The following ASTN2 variants were observed in gnomAD, a reference collection of about 807,000 sequenced individuals.
The protein encoded by ASTN2 is astrotactin-2.
A neutral mutation model predicts 139.8 loss-of-function variants in ASTN2; 54 were observed. That is an observed-to-expected ratio of 0.39 (90% confidence interval 0.31 to 0.48). The LOEUF (loss-of-function observed/expected upper bound fraction) is 0.48. ASTN2 is among the 20% of genes least tolerant of loss of function. The pLI, the probability that ASTN2 is intolerant of heterozygous loss-of-function variation, is 0.95. For synonymous variants in ASTN2, 756 were observed against 719.5 expected (o/e 1.05, Z -0.81); for missense variants, 1,565 against 1,725.1 (o/e 0.91, Z 1.64).
At chr9:116,742,707 C>T (rs1829126326) in intron 13 of ASTN2, among the ~76,000 whole-genome samples, 1 of 152,084 alleles carries the variant, frequency 6.6e-6, no homozygotes, top group South Asian at 2.1e-4. Context: ...GTTCTGCATA[C>T]ACAGGGTAAA....
intron 11 of ASTN2, among the ~76,000 whole-genome samples, chr9:116,857,816 C>T (rs1194937821): frequency 6.6e-6 from 1 of 152,180 alleles, no homozygotes; most frequent in Non-Finnish European, 1.5e-5. Context: ...AAATCTAGCT[C>T]TTTCCCCCTT....
intron 16 of ASTN2, among the ~76,000 whole-genome samples, chr9:116,669,854 G>A (rs1352963816): frequency 6.7e-6 from 1 of 149,928 alleles, no homozygotes; most frequent in Non-Finnish European, 1.5e-5. Context: ...CACCCAGTCT[G>A]GAATGCAGTG....
At position 116,565,387 on chromosome 9, in the gene ASTN2, CCATATATATATATA is replaced by C. The variant is rs1463766736; in HGVS notation, c.3355+52923_3355+52936del. Among the ~76,000 whole-genome samples the C allele has an allele frequency of 1.0e-2, 419 of 42,070 alleles. 18 individuals are homozygous for C. The highest frequency in any genetic ancestry group is 0.03 in the African/African-American group (281 of 9,490). 27.6% of individuals were successfully genotyped at this position (42,070 alleles called of 152,430 possible). On this transcript the variant is annotated intron_variant, in intron 19 of 22. Coordinates refer to ENST00000313400, the MANE Select transcript of ASTN2 (RefSeq NM_001365068.1). ...TCTCTCTCTCTCTCTCTCTCTCTCT[CCATATATATATATA>C]TATATATATATATATATATATATAT... is the stretch of plus-strand genomic sequence containing the variant.
chr9:116,847,112 G>C (rs1361598070), intron 11 of ASTN2, among the ~76,000 whole-genome samples: 1 of 151,532 alleles, frequency 6.6e-6, no homozygotes, highest in African/African-American at 2.4e-5. Context: ...TAGTTCTCAA[G>C]GTTTTGTTTT....
chr9:117,285,577 C>T (rs534502164), intron 2 of ASTN2, among the ~76,000 whole-genome samples: 23 of 152,198 alleles, frequency 1.5e-4, no homozygotes, highest in Admixed American at 3.9e-4. Context: ...AAGTATTATT[C>T]TATGTTATTA....
chr9:117,274,483 C>T (rs543199053), intron 2 of ASTN2, among the ~76,000 whole-genome samples: 8 of 152,320 alleles, frequency 5.3e-5, no homozygotes, highest in African/African-American at 1.4e-4. Flanking sequence ...ATCACAGTGG[C>T]CATGAACCCA....
At chr9:116,703,556 TCA>T (rs1473607752) in intron 16 of ASTN2, among the ~76,000 whole-genome samples, 3 of 139,934 alleles carry the variant, frequency 2.1e-5, no homozygotes, top group Non-Finnish European at 3.1e-5. Context: ...AAGGGGAATA[TCA>T]CACTCTGGGG....
At chr9:117,054,355 C>T (rs1434710015) in intron 5 of ASTN2, among the ~76,000 whole-genome samples, 2 of 152,190 alleles carry the variant, frequency 1.3e-5, no homozygotes, top group Admixed American at 1.3e-4. Flanking sequence ...AATCCCTTCC[C>T]CTGGCTGGAC....
chr9:117,349,182 G>A (rs562548785), intron 1 of ASTN2, among the ~76,000 whole-genome samples: 2 of 152,282 alleles, frequency 1.3e-5, no homozygotes, highest in East Asian at 3.9e-4. Flanking sequence ...AAGCTGCCGG[G>A]GCGGGTGAAG....
chr9:116,844,189 A>C (rs569735311), intron 11 of ASTN2, among the ~76,000 whole-genome samples: 2 of 152,342 alleles, frequency 1.3e-5, no homozygotes, highest in South Asian at 4.1e-4. Context: ...TGCTGTCACG[A>C]ATGAAAAATC....
chr9:117,387,799 C>T (rs1254896086), intron 1 of ASTN2, among the ~76,000 whole-genome samples: 3 of 152,102 alleles, frequency 2.0e-5, no homozygotes, highest in Non-Finnish European at 4.4e-5. Context: ...GAGCAGGCCA[C>T]AAGAAAGTCA....
intron 16 of ASTN2, among the ~76,000 whole-genome samples, chr9:116,682,014 A>T (rs1323473305): frequency 1.3e-5 from 2 of 151,944 alleles, no homozygotes; most frequent in Non-Finnish European, 2.9e-5. Context: ...CAAAAGCCAA[A>T]ATTGACAAAT....
chr9:117,270,592 C>T (rs997018736), intron 2 of ASTN2, among the ~76,000 whole-genome samples: 1 of 152,206 alleles, frequency 6.6e-6, no homozygotes, highest in African/African-American at 2.4e-5. Flanking sequence ...AGGGATACCC[C>T]TGTACCTGGC....
intron 20 of ASTN2, among the ~76,000 whole-genome samples, chr9:116,462,081 C>T (rs1848503939): frequency 6.6e-6 from 1 of 152,126 alleles, no homozygotes. Context: ...CCAAGCTCAT[C>T]CAACCGGTAA....
At chr9:117,016,833 T>A (rs1837729041) in intron 6 of ASTN2, among the ~76,000 whole-genome samples, 1 of 138,970 alleles carries the variant, frequency 7.2e-6, no homozygotes, top group African/African-American at 3.0e-5. Context: ...ATATATGTTT[T>A]TCCAAATAAA....
chr9:117,073,961 G>A (rs932269202), intron 5 of ASTN2, among the ~76,000 whole-genome samples: 4 of 152,124 alleles, frequency 2.6e-5, no homozygotes, highest in African/African-American at 7.2e-5. Context: ...TGGTCTGGGG[G>A]AGTCACTCAT....
intron 1 of ASTN2, among the ~76,000 whole-genome samples, chr9:117,367,093 G>A (rs1250470276): frequency 6.6e-6 from 1 of 152,028 alleles, no homozygotes; most frequent in Non-Finnish European, 1.5e-5. Flanking sequence ...CTTTTTCAGT[G>A]AGCACTCTAC....
intron 17 of ASTN2, among the ~76,000 whole-genome samples, chr9:116,646,368 G>T (rs1001967285): frequency 6.6e-6 from 1 of 152,156 alleles, no homozygotes; most frequent in East Asian, 1.9e-4. Flanking sequence ...TCAACTATAG[G>T]TCAGGGCTCT....
chr9:116,725,185 G>A (rs565934719), intron 16 of ASTN2, among the ~76,000 whole-genome samples: 2 of 152,172 alleles, frequency 1.3e-5, no homozygotes, highest in Non-Finnish European at 2.9e-5. Flanking sequence ...AGTGGGCAGA[G>A]ACTGGTCTCC....
Sources: gnomAD v4.1 joint callset for allele counts (sites outside exome capture counted in the v4.1 genomes callset) on GRCh38, gnomAD v4.1.1 for gene constraint, MANE v1.5 for transcripts, NCBI Gene and HGNC (gene_info 2026-07-23, HGNC 2026-07-21) for gene names.